UBE3A: variants seen among roughly 807,000 people sequenced by gnomAD.
UBE3A encodes the protein ubiquitin-protein ligase E3A.
Under a neutral mutation model 83.4 loss-of-function variants are expected in UBE3A, and 6 were observed. That is an observed-to-expected ratio of 0.07 (90% confidence interval 0.04 to 0.14). The LOEUF (loss-of-function observed/expected upper bound fraction) is 0.14. Ranked by LOEUF, UBE3A falls within the 10% of genes least tolerant of loss-of-function variation. The pLI is 1.00. For missense variants in UBE3A, 456 were observed against 1,036.1 expected, an observed-to-expected ratio of 0.44 and a Z score of 7.69; for synonymous variants, 337 against 355.4, an observed-to-expected ratio of 0.95 and a Z score of 0.58.
intron 1 of UBE3A, among the ~76,000 whole-genome samples, chr15:25,435,016 ACAC>A: frequency 2.1e-5 from 3 of 143,244 alleles, no homozygotes; most frequent in African/African-American, 7.6e-5. Flanking sequence ...ACACACACAC[ACAC>A]AAATACTAAT....
chr15:25,409,457 A>C, intron 2 of UBE3A: 1 of 198,340 alleles, frequency 5.0e-6, no homozygotes, highest in Non-Finnish European at 1.0e-5. Flanking sequence ...CATTTTGGTC[A>C]ATAGTACCTT....
chr15:25,345,391 A>G (rs1595450042), intron 11 of UBE3A, among the ~76,000 whole-genome samples: 1 of 152,242 alleles, frequency 6.6e-6, no homozygotes, highest in Non-Finnish European at 1.5e-5. Context: ...ATAAAAACCA[A>G]AAAAAAGTTC....
At chr15:25,359,412 G>T (rs2077683009) in intron 7 of UBE3A, among the ~76,000 whole-genome samples, 1 of 131,092 alleles carries the variant, frequency 7.6e-6, no homozygotes, top group African/African-American at 2.9e-5. Flanking sequence ...TTATAGATAA[G>T]GGATGCGTGT....
chr15:25,339,989 G>A (rs879573421), intron 12 of UBE3A, 96 bp downstream of exon 12: 204 of 1,486,092 alleles, frequency 1.4e-4, no homozygotes, highest in Admixed American at 2.0e-4. Context: ...ATAAAATCAC[G>A]AATGTGCTCA....
chr15:25,402,468 G>T (rs1234468475), intron 4 of UBE3A, among the ~76,000 whole-genome samples: 1 of 152,226 alleles, frequency 6.6e-6, no homozygotes, highest in Non-Finnish European at 1.5e-5. Flanking sequence ...GGCCACAGGG[G>T]CCGATCTAGA....
At chr15:25,380,474 G>C (rs182757044) in intron 4 of UBE3A, among the ~76,000 whole-genome samples, 7 of 152,008 alleles carry the variant, frequency 4.6e-5, no homozygotes, top group African/African-American at 1.7e-4. Flanking sequence ...CTAATCATTT[G>C]GCCTCTTAAC....
intron 5 of UBE3A, among the ~76,000 whole-genome samples, chr15:25,372,776 G>C (rs1256188443): frequency 1.3e-5 from 2 of 152,108 alleles, no homozygotes; most frequent in Non-Finnish European, 2.9e-5. Flanking sequence ...GTCATCATCA[G>C]ATTAACTACT....
intron 3 of UBE3A, chr15:25,407,344 G>C: frequency 1.1e-6 from 1 of 891,348 alleles, no homozygotes; most frequent in Non-Finnish European, 1.4e-6. Context: ...GAGAAGAGAG[G>C]GAAAAAATGA....
At chr15:25,397,896 C>A (rs1182098614) in intron 4 of UBE3A, among the ~76,000 whole-genome samples, 1 of 152,072 alleles carries the variant, frequency 6.6e-6, no homozygotes, top group East Asian at 1.9e-4. Context: ...TTTGAGACAT[C>A]TTCACCTCCT....
chr15:25,341,955 A>G (rs2074919174), intron 11 of UBE3A, among the ~76,000 whole-genome samples: 1 of 152,104 alleles, frequency 6.6e-6, no homozygotes, highest in Non-Finnish European at 1.5e-5. Flanking sequence ...ATAACTTAAA[A>G]GTTTTATTAG....
chr15:25,366,937 G>A (rs2079202030), intron 6 of UBE3A, among the ~76,000 whole-genome samples: 2 of 151,860 alleles, frequency 1.3e-5, no homozygotes, highest in South Asian at 4.2e-4. Context: ...TAGGGCCCTG[G>A]ATTTTATTTA....
chr15:25,386,154 G>A (rs1320851884), intron 4 of UBE3A, among the ~76,000 whole-genome samples: 1 of 152,120 alleles, frequency 6.6e-6, no homozygotes, highest in Non-Finnish European at 1.5e-5. Context: ...GGGTGGGATT[G>A]AGAAACACTT....
chr15:25,407,135 G>A (rs537066339), intron 3 of UBE3A: 2 of 1,350,226 alleles, frequency 1.5e-6, no homozygotes, highest in South Asian at 2.3e-5. Context: ...CCAGACAGAA[G>A]AGCTAAAAAT....
chr15:25,425,064 A>G (rs150031827), intron 1 of UBE3A, among the ~76,000 whole-genome samples: 606 of 152,296 alleles, frequency 4.0e-3, no homozygotes, highest in Non-Finnish European at 6.6e-3. Flanking sequence ...TTGAAAAAGA[A>G]TAAGTTAGAA....
At chr15:25,433,859 G>T (rs969336081) in intron 1 of UBE3A, among the ~76,000 whole-genome samples, 2 of 151,964 alleles carry the variant, frequency 1.3e-5, no homozygotes, top group Non-Finnish European at 2.9e-5. Context: ...TTGAGACCAG[G>T]AGTTTGAAAC....
At chr15:25,432,571 A>G (rs188153974) in intron 1 of UBE3A, among the ~76,000 whole-genome samples, 15 of 152,336 alleles carry the variant, frequency 9.8e-5, no homozygotes, top group Admixed American at 5.9e-4. Flanking sequence ...ATCCAGAACT[A>G]GGAAAGAGCT....
chr15:25,393,703 C>G (rs1305234598), intron 4 of UBE3A: 1 of 152,168 alleles, frequency 6.6e-6, no homozygotes, highest in South Asian at 2.1e-4. Context: ...ACAGTTCATC[C>G]ATTCAACTAT....
At chr15:25,368,727 C>T (rs1473626145) in intron 6 of UBE3A, among the ~76,000 whole-genome samples, 2 of 151,952 alleles carry the variant, frequency 1.3e-5, no homozygotes, top group African/African-American at 4.8e-5. Flanking sequence ...GCTTTAAAAG[C>T]AGTTGTTTCC....
At chr15:25,382,880 A>T (rs542476975) in intron 4 of UBE3A, among the ~76,000 whole-genome samples, 38 of 152,184 alleles carry the variant, frequency 2.5e-4, no homozygotes, top group Non-Finnish European at 4.7e-4. Context: ...AAACCCACCA[A>T]GACTGAGCCA....
Sources: gnomAD v4.1 joint callset for allele counts (sites outside exome capture counted in the v4.1 genomes callset) on GRCh38, gnomAD v4.1.1 for gene constraint, MANE v1.5 for transcripts, NCBI Gene and HGNC (gene_info 2026-07-23, HGNC 2026-07-21) for gene names.